The following IL2RG variants were observed in gnomAD, a reference collection of about 807,000 sequenced individuals.
IL2RG encodes interleukin 2 receptor subunit gamma.
For synonymous variants in IL2RG, 111 were observed against 108.5 expected, an observed-to-expected ratio of 1.02 and a Z score of -0.15; for missense variants, 205 against 272.9, an observed-to-expected ratio of 0.75 and a Z score of 1.75.
intron 4 of IL2RG, among the ~76,000 whole-genome samples, chrX:71,109,633 C>A (rs2092258807): frequency 9.0e-6 from 1 of 111,044 alleles, no homozygotes; most frequent in Admixed American, 9.6e-5. Flanking sequence ...GGTAGGGAAT[C>A]CCTAATGAAA....
In IL2RG at chrX:71,107,905, G is replaced by A. The variant is rs1002172384; in HGVS notation, c.941C>T (p.Ser314Phe). 3.3e-6 allele frequency: 4 copies of A among 1,205,567 alleles called. No individual in the cohort carries two copies. Among genetic ancestry groups the A allele is most frequent in the Non-Finnish European group, 4.5e-6 (4 of 891,372 alleles). Residue 314 changes from serine to phenylalanine, a missense_variant, in exon 8 of 8, where the codon TCT becomes TTT. Coordinates refer to ENST00000374202, the MANE Select transcript of IL2RG (RefSeq NM_000206.3). ...CTGCAGACTCTCAGCCAGTCCCTTA[G>A]ACACACCACTCCAGGCCTAAAGACA... ...HGNFSAWSGV[S>F]KGLAESLQPD...
chrX:71,108,162 T>C (rs1425588692), intron 7 of IL2RG, 115 bp downstream of exon 7: 2 of 602,104 alleles, frequency 3.3e-6, no homozygotes, highest in South Asian at 2.3e-5. Flanking sequence ...ATCCTGACAG[T>C]TAGTGCAGGG....
In IL2RG at chrX:71,108,643, C is replaced by T; in HGVS notation, c.810G>A (p.Met270Ile). Residue 270 changes from methionine to isoleucine, a missense_variant, in exon 6 of 8, where the codon ATG becomes ATA. By Grantham distance (10) the Met-to-Ile change is conservative. Transcript: ENST00000374202. ...LEAVVISVGS[M>I]GLIISLLCVY... ...CACAGAGAAGGCTGATAATCAATCCCATGGAGCCAACAGAGATAACCACGG... is the reference window on the plus strand; with the variant it reads ...CACAGAGAAGGCTGATAATCAATCCTATGGAGCCAACAGAGATAACCACGG... 2 of 1,199,285 alleles carry T rather than the reference C, an allele frequency of 1.7e-6. No homozygotes were observed. The highest frequency in any genetic ancestry group is 2.3e-6 in the Non-Finnish European group (2 of 888,125).
chrX:71,110,787 C>G, intron 2 of IL2RG, 99 bp from the exon 3 acceptor site: 1 of 1,101,201 alleles, frequency 9.1e-7, no homozygotes, highest in Non-Finnish European at 1.3e-6. Flanking sequence ...CGACTTATGA[C>G]TTACCCCAGG....
At chrX:71,111,396 C>T (rs1455892113) in intron 1 of IL2RG, 29 bp downstream of exon 1, 3 of 1,206,928 alleles carry the variant, frequency 2.5e-6, no homozygotes, top group Non-Finnish European at 2.2e-6. Flanking sequence ...ACCCTTCTCA[C>T]CAGCCCCCTC....
At chrX:71,111,097 G>C in intron 1 of IL2RG, 47 bp from the exon 2 acceptor site, 1 of 1,104,398 alleles carries the variant, frequency 9.1e-7, no homozygotes, top group Non-Finnish European at 1.2e-6. Context: ...AGAAATGATG[G>C]TCAGAAGGAG....
intron 2 of IL2RG, 52 bp downstream of exon 2, chrX:71,110,845 T>C: frequency 8.4e-7 from 1 of 1,185,601 alleles, no homozygotes; most frequent in Non-Finnish European, 1.1e-6. Flanking sequence ...TCTCTTGGTC[T>C]CTGATCCAAC....
intron 6 of IL2RG, 68 bp from the exon 7 acceptor site, chrX:71,108,414 G>T: frequency 1.2e-6 from 1 of 818,734 alleles, no homozygotes; most frequent in Non-Finnish European, 1.9e-6. Context: ...TCTCCCAGTT[G>T]TCCCATATGA....
At chrX:71,108,198 C>G in intron 7 of IL2RG, 79 bp downstream of exon 7, 1 of 754,487 alleles carries the variant, frequency 1.3e-6, no homozygotes, top group Non-Finnish European at 2.1e-6. Context: ...TCTCTGCCCC[C>G]ACCCCCACAC....
chrX:71,110,259 T>C lies in IL2RG; in HGVS notation c.491A>G (p.Lys164Arg), dbSNP rs1009255987. The C allele has an allele frequency of 8.3e-7, 1 of 1,208,332 alleles. No homozygotes were observed. The highest frequency in any genetic ancestry group is 1.1e-6 in the Non-Finnish European group (1 of 893,856). The change falls in exon 4 of 8, where the codon AAA becomes AGA. Residue 164 changes from lysine to arginine, a missense_variant. Lys to Arg is a conservative substitution (Grantham distance 26, BLOSUM62 2). Transcript: ENST00000374202. ...PWAPENLTLH[K>R]LSESQLELNW... ...CAGTTCTAGCTGGGATTCACTCAGT[T>C]TGTGAAGTGTTAGGTTCTCTGGAGC...
chrX:71,110,663 C>A lies in IL2RG; in HGVS notation c.295G>T (p.Val99Phe). The A allele has an allele frequency of 8.3e-7, 1 of 1,209,934 alleles. No individual in the cohort carries two copies. ...YWYKNSDNDK[V>F]QKCSHYLFSE... ...AATAGATAGTGGCTGCACTTCTGGACTTTATCATTATCCGAGTTCTTGTAC... is the reference window on the plus strand; with the variant it reads ...AATAGATAGTGGCTGCACTTCTGGAATTTATCATTATCCGAGTTCTTGTAC... The change falls in exon 3 of 8, where the codon GTC (valine) becomes TTC (phenylalanine). Residue 99 changes from valine to phenylalanine, a missense_variant. By Grantham distance (50) the Val-to-Phe change is conservative (BLOSUM62 -1). Transcript: ENST00000374202.
rs765833664 is a variant in IL2RG at position 71,111,403 on chromosome X, C to T, written c.115+22G>A. On this transcript the variant is annotated intron_variant, in intron 1 of 7. Transcript: ENST00000374202. ...CCACAGCCACCCTTCTCACCAGCCCCCTCCAGTCCCAGATTTCCCACCAGC... is the reference window on the plus strand; with the variant it reads ...CCACAGCCACCCTTCTCACCAGCCCTCTCCAGTCCCAGATTTCCCACCAGC... The T allele has an allele frequency of 4.1e-6, 5 of 1,210,476 alleles. No homozygotes were observed. The East Asian group carries it at 1.5e-4, about 36-fold the overall frequency.
Position 71,111,441 on chromosome X carries a change from A to G in IL2RG, c.99T>C (p.Asn33=), listed in dbSNP as rs2092263859. The change falls in exon 1 of 8, where the codon AAT becomes AAC. Residue 33 remains asparagine (N), a synonymous_variant. Transcript: ENST00000374202. The part of the protein sequence containing the change: ...LNTTILTPNG[N]EDTTADFFLT... Reference sequence around the variant, plus strand: ...ATTTCCCACCAGCTGTGGTGTCTTCATTCCCATTGGGCGTCAGAATTGTCG... The same window carrying G: ...ATTTCCCACCAGCTGTGGTGTCTTCGTTCCCATTGGGCGTCAGAATTGTCG... The G allele has an allele frequency of 8.3e-7, 1 of 1,208,966 alleles. No homozygotes were observed. The highest frequency in any genetic ancestry group is 1.1e-6 in the Non-Finnish European group (1 of 894,818).
chrX:71,111,271 C>T (rs921208986), intron 1 of IL2RG, 154 bp downstream of exon 1: 12 of 719,988 alleles, frequency 1.7e-5, no homozygotes, highest in African/African-American at 1.5e-4. Context: ...GAAGAAGTAG[C>T]GTGAGGCAGG....
Position 71,108,637 on chromosome X carries a change from C to T in IL2RG, c.816G>A (p.Leu272=), listed in dbSNP as rs1272158575. 5 of 1,197,912 alleles carry T rather than the reference C, an allele frequency of 4.2e-6. No homozygotes were observed. The highest frequency in any genetic ancestry group is 1.8e-5 in the South Asian group (1 of 55,015). The change falls in exon 6 of 8, where the codon TTG becomes TTA. Residue 272 remains leucine (L), a synonymous_variant. Coordinates refer to ENST00000374202, the MANE Select transcript of IL2RG (RefSeq NM_000206.3). ...AATACACACAGAGAAGGCTGATAAT[C>T]AATCCCATGGAGCCAACAGAGATAA... ...AVVISVGSMG[L]IISLLCVYFW...
In IL2RG at chrX:71,107,440, C is replaced by T. The variant is rs916867660; in HGVS notation, c.*296G>A. ...TATCAACAGAAACTTTATTTCTCAT[C>T]GGTTCAGGAACAATCGGAGGGTAGA... On this transcript the variant is annotated 3_prime_UTR_variant, in exon 8 of 8. Coordinates refer to ENST00000374202, the MANE Select transcript of IL2RG (RefSeq NM_000206.3). 14 of 245,194 alleles carry T rather than the reference C, an allele frequency of 5.7e-5. No homozygotes were observed. The highest frequency in any genetic ancestry group is 8.7e-5 in the Non-Finnish European group (12 of 138,065). 20.2% of individuals were successfully genotyped at this position (245,194 alleles called of 1,213,427 possible). A position where few individuals can be genotyped will look rare whatever the true frequency, so the allele number is the denominator to read the frequency against.
rs929314766 is a variant in IL2RG, at chrX:71,110,031, G to T, written c.594+125C>A. On this transcript the variant is annotated intron_variant, in intron 4 of 7. Coordinates refer to ENST00000374202, the MANE Select transcript of IL2RG (RefSeq NM_000206.3). ...GGAGTTGGAGGAGGGAGGGTAGGGGGTGAGCAGAGAAGCTGGGAGGCAGAG... is the reference window on the plus strand; with the variant it reads ...GGAGTTGGAGGAGGGAGGGTAGGGGTTGAGCAGAGAAGCTGGGAGGCAGAG... 1.8e-5 allele frequency: 12 copies of T among 677,205 alleles called. No individual in the cohort carries two copies. The Admixed American group carries it at 2.7e-4, about 15-fold the overall frequency. 55.8% of individuals were successfully genotyped at this position (677,205 alleles called of 1,213,427 possible). A position where few individuals can be genotyped will look rare whatever the true frequency, so the allele number is the denominator to read the frequency against.
chrX:71,107,520 G>A lies in IL2RG; in HGVS notation c.*216C>T. On this transcript the variant is annotated 3_prime_UTR_variant, in exon 8 of 8. Transcript: ENST00000374202. ...GGAGGAAGAATCCTGCGAAAAGGAAGGGCCAGACTGAGGGAGAAGAAAAAC... is the reference window on the plus strand; with the variant it reads ...GGAGGAAGAATCCTGCGAAAAGGAAAGGCCAGACTGAGGGAGAAGAAAAAC... 3.2e-6 allele frequency: 1 copy of A among 313,375 alleles called. No individual in the cohort carries two copies. The highest frequency in any genetic ancestry group is 5.6e-6 in the Non-Finnish European group (1 of 177,218). 25.8% of individuals were successfully genotyped at this position (313,375 alleles called of 1,213,427 possible).
At position 71,108,792 on chromosome X, in the gene IL2RG, C is replaced by G. The variant is rs5980743; in HGVS notation, c.758-97G>C. On this transcript the variant is annotated intron_variant, in intron 5 of 7. Transcript: ENST00000374202. The stretch of plus-strand genomic sequence containing the variant: ...AGGCACCGCGCTAAAGACATACTCT[C>G]TGTTTAATCCTCACAACAGCTCCTG... 1.7e-3 allele frequency: 890 copies of G among 533,450 alleles called. 9 individuals carry two copies. The African/African-American group carries it at 0.018, about 11-fold the overall frequency. The allele number at this position is 533,450 out of a possible 1,213,427, so 44.0% of individuals were successfully genotyped here.
Sources: allele counts gnomAD v4.1 joint callset (sites outside exome capture counted in the v4.1 genomes callset), GRCh38; gene constraint gnomAD v4.1.1; transcripts MANE v1.5; gene names NCBI Gene and HGNC (gene_info 2026-07-23, HGNC 2026-07-21).